Variants in TSPAN11 observed in about 807,000 individuals in gnomAD.
The protein encoded by TSPAN11 is tetraspanin 11, also known as tetraspanin-11.
TSPAN11 carries 29 observed loss-of-function variants against 32.9 expected under a neutral mutation model. The observed-to-expected ratio is 0.88, with a 90% confidence interval of 0.66 to 1.20. The LOEUF is 1.20. Ranked by LOEUF, TSPAN11 falls within the 50% of genes most tolerant of loss-of-function variation. TSPAN11 has a pLI of 0.00. For synonymous variants in TSPAN11, 140 were observed against 141.3 expected (o/e 0.99, Z 0.07); for missense variants, 283 against 329.1 (o/e 0.86, Z 1.08).
chr12:30,940,017 C>G (rs1771623702), intron 1 of TSPAN11, among the ~76,000 whole-genome samples: 1 of 152,174 alleles, frequency 6.6e-6, no homozygotes, highest in Admixed American at 6.5e-5. Flanking sequence ...AGAGAAAACT[C>G]AGGGAGAAAA....
chr12:30,991,731 AG>A, intron 7 of TSPAN11, 124 bp from the exon 8 acceptor site: 1 of 966,236 alleles, frequency 1.0e-6, no homozygotes, highest in East Asian at 2.6e-5. Flanking sequence ...AGTTTTGAGC[AG>A]GAATCTGCCC....
intron 3 of TSPAN11, among the ~76,000 whole-genome samples, chr12:30,969,303 AT>A (rs1176261192): frequency 6.6e-6 from 1 of 152,112 alleles, no homozygotes; most frequent in Non-Finnish European, 1.5e-5. Flanking sequence ...ACATTCTGTT[AT>A]GTTGCTCCAT....
intron 1 of TSPAN11, among the ~76,000 whole-genome samples, chr12:30,944,843 G>A (rs1938234763): frequency 6.6e-6 from 1 of 152,190 alleles, no homozygotes; most frequent in Non-Finnish European, 1.5e-5. Flanking sequence ...CCTGAGTATG[G>A]GGTGCTCCCC....
chr12:30,941,003 C>T (rs1032613136), intron 1 of TSPAN11, among the ~76,000 whole-genome samples: 2 of 152,198 alleles, frequency 1.3e-5, no homozygotes, highest in African/African-American at 4.8e-5. Flanking sequence ...CCATCCTCCC[C>T]CTACCTCCAC....
chr12:30,957,138 CT>C (rs1438922605), intron 2 of TSPAN11, among the ~76,000 whole-genome samples: 1 of 152,092 alleles, frequency 6.6e-6, no homozygotes, highest in Non-Finnish European at 1.5e-5. Flanking sequence ...CTGAACGTGG[CT>C]GCTGCCCACC....
intron 1 of TSPAN11, among the ~76,000 whole-genome samples, chr12:30,945,817 GTATGGTGTGGGTCCTGTC>G (rs765125971): frequency 1.6e-4 from 25 of 151,982 alleles, no homozygotes; most frequent in Non-Finnish European, 3.2e-4. Context: ...CTGAGATGTC[GTATGGTGTGGGTCCTGTC>G]TATGACATTA....
At chr12:30,953,666 T>C (rs553154137) in intron 1 of TSPAN11, among the ~76,000 whole-genome samples, 79 of 152,322 alleles carry the variant, frequency 5.2e-4, no homozygotes, top group Admixed American at 4.7e-3. Context: ...CCTGCAACCC[T>C]GGTGAGACAG....
At chr12:30,998,407 T>C (rs1359337029), downstream of TSPAN11, among the ~76,000 whole-genome samples, 1 of 152,224 alleles carries the variant, frequency 6.6e-6, no homozygotes, top group Non-Finnish European at 1.5e-5. Context: ...TGGTTCCCAC[T>C]GCCTCTCCAT....
intron 5 of TSPAN11, among the ~76,000 whole-genome samples, chr12:30,982,288 G>C (rs528953360): frequency 5.9e-4 from 90 of 152,308 alleles, no homozygotes; most frequent in African/African-American, 2.1e-3. Context: ...AAAGGACTTG[G>C]GTGGCTAAAA....
the TSPAN11 span, among the ~76,000 whole-genome samples, chr12:31,003,490 A>C: frequency 6.6e-6 from 1 of 152,240 alleles, no homozygotes; most frequent in Non-Finnish European, 1.5e-5. Flanking sequence ...CTCCAGGGCC[A>C]GAGGATGCCC....
At chr12:30,948,862 C>T (rs1938322127) in intron 1 of TSPAN11, among the ~76,000 whole-genome samples, 3 of 152,168 alleles carry the variant, frequency 2.0e-5, no homozygotes, top group Admixed American at 2.0e-4. Flanking sequence ...TGCGAATTTC[C>T]CAAACTCTCA....
chr12:30,978,849 A>G (rs890184472), intron 4 of TSPAN11: 11 of 557,642 alleles, frequency 2.0e-5, no homozygotes, highest in Non-Finnish European at 3.5e-5. Flanking sequence ...TGTCTTCCAC[A>G]TGGGAGCTGG....
intron 1 of TSPAN11, among the ~76,000 whole-genome samples, chr12:30,946,070 A>G (rs1000611615): frequency 9.9e-5 from 15 of 152,154 alleles, no homozygotes; most frequent in African/African-American, 3.6e-4. Context: ...GGATACTTAC[A>G]CTGCAGGGTC....
At chr12:30,945,976 C>T (rs1027090602) in intron 1 of TSPAN11, among the ~76,000 whole-genome samples, 1 of 152,228 alleles carries the variant, frequency 6.6e-6, no homozygotes, top group Non-Finnish European at 1.5e-5. Flanking sequence ...TCAACAGGAA[C>T]TGTGTCCTAA....
At chr12:30,967,330 GAT>G (rs1242656112) in intron 3 of TSPAN11, among the ~76,000 whole-genome samples, 1 of 152,260 alleles carries the variant, frequency 6.6e-6, no homozygotes, top group African/African-American at 2.4e-5. Flanking sequence ...ATGTGGGAGA[GAT>G]GTGGAGAGTC....
intron 2 of TSPAN11, among the ~76,000 whole-genome samples, chr12:30,957,903 G>A (rs1938532769): frequency 7.8e-6 from 1 of 128,910 alleles, no homozygotes; most frequent in Non-Finnish European, 1.6e-5. Flanking sequence ...TTCCTTACAT[G>A]TGTAGCCCTC....
At chr12:31,000,816 C>A (rs79309661), downstream of TSPAN11, among the ~76,000 whole-genome samples, 4,111 of 152,310 alleles carry the variant, frequency 0.027, 116 homozygotes, top group East Asian at 0.16. Flanking sequence ...TGCACAGGAG[C>A]ACTGAGCCCA....
intron 2 of TSPAN11, among the ~76,000 whole-genome samples, chr12:30,963,150 C>T (rs1938647367): frequency 6.6e-6 from 1 of 152,200 alleles, no homozygotes; most frequent in Non-Finnish European, 1.5e-5. Flanking sequence ...TCCCAGGCGG[C>T]TCCAGCCTGT....
rs568038839 is a variant in TSPAN11, at chr12:30,992,054, C to G, written c.*139C>G. 1.1e-6 allele frequency: 1 copy of G among 923,868 alleles called. No individual in the cohort carries two copies. Among genetic ancestry groups the G allele is most frequent in the Non-Finnish European group, 1.6e-6 (1 of 606,500 alleles). The allele number at this position is 923,868 out of a possible 1,614,324, so 57.2% of individuals were successfully genotyped here. A position where few individuals can be genotyped will look rare whatever the true frequency, so the allele number is the denominator to read the frequency against. On this transcript the variant is annotated 3_prime_UTR_variant, in exon 8 of 8. Coordinates refer to ENST00000546076, the MANE Select transcript of TSPAN11 (RefSeq NM_001370302.1). ...TTGTGCCTAGCTCCTGCGAATCCAC[C>G]GAGTGCCTGAGACCATAGCTTCTGT...
Sources: gnomAD v4.1 joint callset for allele counts (sites outside exome capture counted in the v4.1 genomes callset) on GRCh38, gnomAD v4.1.1 for gene constraint, MANE v1.5 for transcripts, NCBI Gene and HGNC (gene_info 2026-07-23, HGNC 2026-07-21) for gene names.